The following NCALD variants were observed in gnomAD, a reference collection of about 807,000 sequenced individuals.
The protein encoded by NCALD is neurocalcin-delta.
In NCALD, 10 loss-of-function variants were observed where a neutral mutation model predicts 18.6. That is an observed-to-expected ratio of 0.54 (90% CI 0.33 to 0.91). The LOEUF (loss-of-function observed/expected upper bound fraction) is 0.91, where lower values mean the gene tolerates loss of function less well. Ranked by LOEUF, NCALD falls within the 40% of genes least tolerant of loss-of-function variation. NCALD has a pLI of 0.03. For missense variants in NCALD, 184 were observed against 247.6 expected (o/e 0.74, Z 1.72); for synonymous variants, 88 against 87.4 (o/e 1.01, Z -0.04).
At chr8:102,071,616 T>C (rs1339366836) in intron 1 of NCALD, among the ~76,000 whole-genome samples, 1 of 152,190 alleles carries the variant, frequency 6.6e-6, no homozygotes, top group African/African-American at 2.4e-5. Context: ...GAAATCTATC[T>C]ATAAACAACT....
chr8:102,005,922 C>T (rs1007912293), intron 2 of NCALD, among the ~76,000 whole-genome samples: 1 of 151,456 alleles, frequency 6.6e-6, no homozygotes, highest in Non-Finnish European at 1.5e-5. Flanking sequence ...GGAGATATAC[C>T]TAATGTAAAT....
chr8:101,867,967 C>CT (rs891093144), intron 4 of NCALD, among the ~76,000 whole-genome samples: 78 of 152,020 alleles, frequency 5.1e-4, no homozygotes, highest in East Asian at 1.7e-3. Flanking sequence ...CCCCGCCAAC[C>CT]TTTTTTTTGG....
intron 1 of NCALD, among the ~76,000 whole-genome samples, chr8:102,059,966 CTTGTTTTTGTTTTT>C (rs1249266317): frequency 1.3e-5 from 2 of 151,942 alleles, no homozygotes; most frequent in Non-Finnish European, 2.9e-5. Flanking sequence ...TTTTTGTTTG[CTTGTTTTTGTTTTT>C]TTGTTTTTGT....
chr8:102,109,013 C>T (rs182268153), intron 1 of NCALD, among the ~76,000 whole-genome samples: 1 of 152,296 alleles, frequency 6.6e-6, no homozygotes, highest in East Asian at 1.9e-4. Flanking sequence ...TCCTACCTCA[C>T]AGCAATGCAG....
chr8:101,703,979 A>G (rs1563672864), intron 2 of NCALD, among the ~76,000 whole-genome samples: 1 of 152,134 alleles, frequency 6.6e-6, no homozygotes, highest in Non-Finnish European at 1.5e-5. Context: ...AAGGTCAAGA[A>G]CCGTGCCTGT....
intron 2 of NCALD, among the ~76,000 whole-genome samples, chr8:102,012,873 G>T (rs1329313872): frequency 1.3e-5 from 2 of 152,108 alleles, no homozygotes; most frequent in Non-Finnish European, 2.9e-5. Flanking sequence ...TCACCACATT[G>T]CAAGGTCATT....
Position 101,759,340 on chromosome 8 carries a change from CA to C in NCALD, c.-20+31521del, listed in dbSNP as rs138678726. ...AGAAAGTTGTCAGTGTCTTCGAAGA[CA>C]AAGAAACTGAGAGAGGGAGAGGGGG... is the stretch of plus-strand genomic sequence containing the variant. On this transcript the variant is annotated intron_variant, in intron 1 of 3. Coordinates refer to ENST00000220931, the MANE Select transcript of NCALD (RefSeq NM_032041.3). 8.6e-3 allele frequency among the ~76,000 whole-genome samples: 1,302 copies of C among 150,600 alleles called. 35 individuals carry two copies. Among genetic ancestry groups the C allele is most frequent in the East Asian group, 0.066 (338 of 5,128 alleles).
chr8:101,755,506 ACT>A (rs1223447419), intron 1 of NCALD, among the ~76,000 whole-genome samples: 2 of 151,800 alleles, frequency 1.3e-5, no homozygotes, highest in Admixed American at 6.6e-5. Flanking sequence ...CATGCTCATG[ACT>A]CTTCCTTACC....
chr8:101,909,812 TA>T (rs773402727), intron 3 of NCALD, among the ~76,000 whole-genome samples: 7,016 of 152,260 alleles, frequency 0.046, 256 homozygotes, highest in African/African-American at 0.1. Flanking sequence ...TAACGCCCCT[TA>T]AGGTTATTTA....
chr8:101,939,948 C>T (rs1007924349), intron 2 of NCALD, among the ~76,000 whole-genome samples: 2 of 152,208 alleles, frequency 1.3e-5, no homozygotes, highest in African/African-American at 4.8e-5. Flanking sequence ...CCCATGGGTG[C>T]TTTTCTCATC....
At chr8:101,831,180 A>T (rs780293357) in intron 4 of NCALD, among the ~76,000 whole-genome samples, 3 of 152,212 alleles carry the variant, frequency 2.0e-5, no homozygotes, top group Non-Finnish European at 4.4e-5. Context: ...CAAGCAATAG[A>T]TTCTCCTGTA....
At chr8:101,920,368 A>C (rs1335437483) in intron 2 of NCALD, among the ~76,000 whole-genome samples, 2 of 152,362 alleles carry the variant, frequency 1.3e-5, no homozygotes, top group African/African-American at 4.8e-5. Flanking sequence ...TAGCAATCCC[A>C]TTACTGAGTA....
At chr8:101,888,471 G>A (rs368120120) in intron 3 of NCALD, among the ~76,000 whole-genome samples, 22 of 152,054 alleles carry the variant, frequency 1.4e-4, no homozygotes, top group East Asian at 1.2e-3. Context: ...AGATGGGAGT[G>A]CAGTAGAGCA....
intron 1 of NCALD, among the ~76,000 whole-genome samples, chr8:102,061,026 T>C (rs1424848441): frequency 6.6e-6 from 1 of 152,152 alleles, no homozygotes; most frequent in African/African-American, 2.4e-5. Context: ...TGTCCCAGAC[T>C]CCCGCCCCCA....
intron 4 of NCALD, among the ~76,000 whole-genome samples, chr8:101,862,927 C>T (rs1044146873): frequency 1.3e-5 from 2 of 152,220 alleles, no homozygotes; most frequent in East Asian, 3.8e-4. Context: ...CATATTATTT[C>T]ATTTAATCTT....
chr8:101,729,173 A>G (rs1228979814), intron 1 of NCALD, among the ~76,000 whole-genome samples: 1 of 152,274 alleles, frequency 6.6e-6, no homozygotes, highest in Non-Finnish European at 1.5e-5. Flanking sequence ...ACATTGCTTC[A>G]GAATTTTTCT....
At chr8:101,878,085 C>G (rs1816305140) in intron 4 of NCALD, among the ~76,000 whole-genome samples, 1 of 152,154 alleles carries the variant, frequency 6.6e-6, no homozygotes, top group East Asian at 1.9e-4. Flanking sequence ...CCACGGAAAA[C>G]TAAGTGGCCA....
chr8:101,892,237 C>A (rs1389192997), intron 3 of NCALD, among the ~76,000 whole-genome samples: 1 of 148,482 alleles, frequency 6.7e-6, no homozygotes, highest in African/African-American at 2.6e-5. Flanking sequence ...TGGGAGGCAC[C>A]CCCAAGCAGG....
At chr8:102,084,319 CAGA>C (rs1399317687) in intron 1 of NCALD, among the ~76,000 whole-genome samples, 2 of 152,192 alleles carry the variant, frequency 1.3e-5, no homozygotes, top group East Asian at 1.9e-4. Flanking sequence ...CTTGCCTCTT[CAGA>C]AGAAGTAATT....
Sources: gnomAD v4.1 joint callset for allele counts (sites outside exome capture counted in the v4.1 genomes callset) on GRCh38, gnomAD v4.1.1 for gene constraint, MANE v1.5 for transcripts, NCBI Gene and HGNC (gene_info 2026-07-23, HGNC 2026-07-21) for gene names.